Variants in MCF2L observed in about 807,000 individuals in gnomAD.
The protein encoded by MCF2L is guanine nucleotide exchange factor DBS.
In MCF2L, 97 loss-of-function variants were observed where a neutral mutation model predicts 153.4. The observed-to-expected ratio is 0.63, with a 90% CI of 0.54 to 0.75. The LOEUF is 0.75. Ranked by LOEUF, MCF2L falls within the 30% of genes least tolerant of loss-of-function variation. The pLI is 0.00. For synonymous variants in MCF2L, 659 were observed against 632.2 expected, an observed-to-expected ratio of 1.04 and a Z score of -0.64; for missense variants, 1,347 against 1,495.2, an observed-to-expected ratio of 0.90 and a Z score of 1.64.
chr13:112,938,255 C>T (rs1294063734), intron 2 of MCF2L, among the ~76,000 whole-genome samples: 1 of 106,838 alleles, frequency 9.4e-6, no homozygotes, highest in Non-Finnish European at 1.9e-5. Flanking sequence ...TTCAGGTGAG[C>T]GCTGATGGGT....
chr13:112,940,855 T>G (rs1165455532), intron 2 of MCF2L, among the ~76,000 whole-genome samples: 1 of 152,176 alleles, frequency 6.6e-6, no homozygotes, highest in African/African-American at 2.4e-5. Flanking sequence ...TGTAGTTACT[T>G]AGCTACCTAC....
At chr13:112,911,420 C>T (rs1566632148) in intron 2 of MCF2L, among the ~76,000 whole-genome samples, 1 of 152,210 alleles carries the variant, frequency 6.6e-6, no homozygotes, top group Non-Finnish European at 1.5e-5. Context: ...GCGGCCCAGC[C>T]GCTAGTCCTG....
intron 13 of MCF2L, among the ~76,000 whole-genome samples, chr13:113,077,561 C>T (rs2033626708): frequency 6.6e-6 from 1 of 152,210 alleles, no homozygotes; most frequent in African/African-American, 2.4e-5. Flanking sequence ...GAACCATCTC[C>T]GGCCTTCCCA....
chr13:113,022,599 T>G (rs1391741148), intron 2 of MCF2L, among the ~76,000 whole-genome samples: 1 of 152,266 alleles, frequency 6.6e-6, no homozygotes, highest in Non-Finnish European at 1.5e-5. Context: ...TGCGGCCGTT[T>G]CCACAATCCA....
At chr13:113,090,447 C>T in intron 26 of MCF2L, 1 of 982,200 alleles carries the variant, frequency 1.0e-6, no homozygotes, top group Non-Finnish European at 1.2e-6. Context: ...GCCCCCCACC[C>T]CCGCCTTCTC....
intron 2 of MCF2L, among the ~76,000 whole-genome samples, chr13:112,962,594 C>T (rs2081845181): frequency 6.6e-6 from 1 of 152,198 alleles, no homozygotes; most frequent in South Asian, 2.1e-4. Flanking sequence ...GCCCAGACCG[C>T]AGCAATCAGG....
intron 1 of MCF2L, among the ~76,000 whole-genome samples, chr13:113,005,324 G>A (rs555667383): frequency 1.9e-4 from 29 of 152,240 alleles, no homozygotes; most frequent in Non-Finnish European, 2.8e-4. Flanking sequence ...CGACAAGCAC[G>A]GTGGCTACTG....
In MCF2L at chr13:112,964,102, A is replaced by AGGGGGCGG. The variant is rs71101541; in HGVS notation, c.170-50646_170-50639dup. On this transcript the variant is annotated intron_variant, in intron 2 of 29. Coordinates refer to the MCF2L transcript ENST00000375608. The stretch of plus-strand genomic sequence containing the variant: ...CAGGTGCACTTCGGTGCAGGGTTGC[A>AGGGGGCGG]GGGGGCGGGGGGGCGGGGGGGCCCA... Among the ~76,000 whole-genome samples, 12 of 132,172 alleles carry AGGGGGCGG rather than the reference A, an allele frequency of 9.1e-5. No homozygotes were observed. The East Asian group carries it at 2.4e-3, about 26-fold the overall frequency. 86.7% of individuals were successfully genotyped at this position (132,172 alleles called of 152,430 possible).
rs34826552 is a variant in MCF2L, at chr13:112,936,279, C to CAAA, written c.169+33930_169+33932dup. On this transcript the variant is annotated intron_variant, in intron 2 of 29. Coordinates refer to the MCF2L transcript ENST00000375608. ...TGGGCAACAGAGTGAGACTCTGTCT[C>CAAA]AAAAAAAAAAAAAAAAAAAAAAAAG... 1.6e-3 allele frequency among the ~76,000 whole-genome samples: 118 copies of CAAA among 74,124 alleles called. 1 individual carries two copies. Among genetic ancestry groups the CAAA allele is most frequent in the African/African-American group, 3.5e-3 (64 of 18,262 alleles). 48.6% of individuals were successfully genotyped at this position (74,124 alleles called of 152,430 possible).
At chr13:113,037,596 G>C (rs2086230771) in intron 3 of MCF2L, among the ~76,000 whole-genome samples, 2 of 152,160 alleles carry the variant, frequency 1.3e-5, no homozygotes, top group Non-Finnish European at 2.9e-5. Context: ...GTAGCCAACT[G>C]ATATTTCCAC....
chr13:112,984,435 G>A (rs906875954), intron 1 of MCF2L, among the ~76,000 whole-genome samples: 3 of 152,116 alleles, frequency 2.0e-5, no homozygotes, highest in Admixed American at 6.5e-5. Flanking sequence ...ATGGAGTTTC[G>A]CCATGTTGGC....
At chr13:112,953,936 A>G (rs2081725616) in intron 2 of MCF2L, among the ~76,000 whole-genome samples, 1 of 152,076 alleles carries the variant, frequency 6.6e-6, no homozygotes, top group Non-Finnish European at 1.5e-5. Flanking sequence ...GTCGCATATG[A>G]GTGTCTAGGT....
chr13:112,940,234 G>A (rs778394685), intron 2 of MCF2L, among the ~76,000 whole-genome samples: 4 of 152,172 alleles, frequency 2.6e-5, no homozygotes, highest in African/African-American at 7.2e-5. Context: ...ATGTAAATCT[G>A]TGTTTTATGA....
intron 1 of MCF2L, chr13:112,979,721 C>T (rs1247612577): frequency 5.6e-6 from 9 of 1,612,344 alleles, no homozygotes; most frequent in Middle Eastern, 1.6e-4. Flanking sequence ...GGTCACTGCC[C>T]AGGAGGCGCC....
At chr13:113,076,554 C>T (rs1481726626) in intron 12 of MCF2L, among the ~76,000 whole-genome samples, 2 of 152,222 alleles carry the variant, frequency 1.3e-5, no homozygotes, top group South Asian at 4.1e-4. Context: ...TGTGAGCCAC[C>T]GCACCTGGCC....
In MCF2L at chr13:112,907,818, G is replaced by A. The variant is rs148894165; in HGVS notation, c.169+5447G>A. Among the ~76,000 whole-genome samples the A allele has an allele frequency of 3.4e-3, 523 of 152,262 alleles. 5 individuals are homozygous for A. The highest frequency in any genetic ancestry group is 0.01 in the Middle Eastern group (3 of 294). On this transcript the variant is annotated intron_variant, in intron 2 of 29. Transcript: ENST00000375608. The surrounding 1 kb of genome is among the most constrained non-coding windows in gnomAD (Gnocchi z 5.1). ...TGAGAAAAGGCGATCTCAGCAGCAC[G>A]CCGTGTTAAAGAACAGCGCATGTTG...
In MCF2L at chr13:113,059,015, TG is replaced by T. The variant is rs879396629; in HGVS notation, c.370-1577del. On this transcript the variant is annotated intron_variant, in intron 4 of 29. Coordinates refer to ENST00000535094, the MANE Select transcript of MCF2L (RefSeq NM_001112732.3). ...CAGTGCCATTTGGGTGCTGAGTGGGTGCTGAGTGTTTGGGTGCTGAGGACAG... is the reference window on the plus strand; with the variant it reads ...CAGTGCCATTTGGGTGCTGAGTGGGTCTGAGTGTTTGGGTGCTGAGGACAG... Among the ~76,000 whole-genome samples, 1,398 of 151,878 alleles carry T rather than the reference TG, an allele frequency of 9.2e-3. 11 individuals carry two copies. Among genetic ancestry groups the T allele is most frequent in the Admixed American group, 0.015 (227 of 15,240 alleles).
intron 5 of MCF2L, chr13:113,063,782 C>A: frequency 2.2e-6 from 1 of 445,070 alleles, no homozygotes; most frequent in Non-Finnish European, 4.6e-6. Flanking sequence ...GTTCAGCACA[C>A]GGCACTGAAA....
intron 15 of MCF2L, 128 bp downstream of exon 15, chr13:113,078,867 C>T: frequency 1.1e-6 from 1 of 897,542 alleles, no homozygotes; most frequent in Middle Eastern, 3.2e-4. Context: ...GTGGTTCTTA[C>T]TTTTGCACCA....
Sources: allele counts gnomAD v4.1 joint callset (sites outside exome capture counted in the v4.1 genomes callset), GRCh38; gene constraint gnomAD v4.1.1; non-coding constraint Gnocchi (gnomAD v3.1); transcripts MANE v1.5; gene names NCBI Gene and HGNC (gene_info 2026-07-23, HGNC 2026-07-21).